Variants in ZBTB44 observed in about 807,000 individuals in gnomAD.
The protein encoded by ZBTB44 is zinc finger and BTB domain-containing protein 44.
A neutral mutation model predicts 54.0 loss-of-function variants in ZBTB44; 15 were observed. That is an observed-to-expected ratio of 0.28 (90% CI 0.19 to 0.43). The LOEUF (loss-of-function observed/expected upper bound fraction) is 0.43. Ranked by LOEUF, ZBTB44 falls within the 20% of genes least tolerant of loss-of-function variation. The pLI is 1.00. For synonymous variants in ZBTB44, 230 were observed against 250.1 expected, an observed-to-expected ratio of 0.92 and a Z score of 0.76; for missense variants, 487 against 707.1, an observed-to-expected ratio of 0.69 and a Z score of 3.53.
intron 1 of ZBTB44, among the ~76,000 whole-genome samples, chr11:130,279,336 G>A (rs1485990011): frequency 6.6e-6 from 1 of 151,210 alleles, no homozygotes; most frequent in Admixed American, 6.6e-5. Flanking sequence ...AAAGCCCTGG[G>A]TTTATATTCT....
At chr11:130,288,889 T>G (rs994352571) in intron 1 of ZBTB44, among the ~76,000 whole-genome samples, 2 of 147,180 alleles carry the variant, frequency 1.4e-5, no homozygotes, top group Non-Finnish European at 3.0e-5. Context: ...AGAGCGAGAC[T>G]CCGTCTTAAA....
chr11:130,267,247 G>C (rs1222177978), intron 1 of ZBTB44, among the ~76,000 whole-genome samples: 1 of 152,092 alleles, frequency 6.6e-6, no homozygotes, highest in African/African-American at 2.4e-5. Flanking sequence ...CTGGGCGACA[G>C]AGTGAGACCC....
At chr11:130,279,548 A>G (rs1940357868) in intron 1 of ZBTB44, among the ~76,000 whole-genome samples, 1 of 152,088 alleles carries the variant, frequency 6.6e-6, no homozygotes, top group Non-Finnish European at 1.5e-5. Context: ...GGTCCCAGCT[A>G]ACCGGGATGC....
At chr11:130,233,263 A>G (rs574430391) in intron 7 of ZBTB44, 45 bp downstream of exon 7, 41 of 1,490,522 alleles carry the variant, frequency 2.8e-5, no homozygotes, top group Middle Eastern at 4.8e-4. Context: ...TTTTAATCTG[A>G]AAAGCAGTAT....
At chr11:130,312,628 G>A (rs1412895438) in intron 1 of ZBTB44, among the ~76,000 whole-genome samples, 1 of 152,082 alleles carries the variant, frequency 6.6e-6, no homozygotes, top group Non-Finnish European at 1.5e-5. Flanking sequence ...AAAGAAGGGA[G>A]GGAATATTCA....
At position 130,261,013 on chromosome 11, in the gene ZBTB44, G is replaced by A; in HGVS notation, c.861C>T (p.Val287=). 1 of 1,613,864 alleles carries A rather than the reference G, an allele frequency of 6.2e-7. No individual in the cohort carries two copies. The highest frequency in any genetic ancestry group is 8.5e-7 in the Non-Finnish European group (1 of 1,179,868). ...CACTTAATCTTTCTACTTTGACCCG[G>A]ACATCTTCTTCGGTACCTAAAGGCA... ...TTLPLGTEED[V]RVKVERLSDE... is the part of the protein sequence containing the mutation. Residue 287 remains valine (V), a synonymous_variant, in exon 2 of 8, where the codon GTC becomes GTT. Coordinates refer to ENST00000357899, the MANE Select transcript of ZBTB44 (RefSeq NM_001301098.2). The surrounding 1 kb of genome is among the most constrained non-coding windows in gnomAD (Gnocchi z 4.8).
In ZBTB44 at chr11:130,261,696, G is replaced by A. The variant is rs984456403; in HGVS notation, c.178C>T (p.Leu60Phe). The change falls in exon 2 of 8, where the codon CTT becomes TTT. Residue 60 changes from leucine (L) to phenylalanine (F), a missense_variant. Physicochemically the swap from Leu to Phe is conservative, Grantham distance 22 (BLOSUM62 0). Coordinates refer to ENST00000357899, the MANE Select transcript of ZBTB44 (RefSeq NM_001301098.2). The surrounding 1 kb of genome is among the most constrained non-coding windows in gnomAD (Gnocchi z 4.8). The part of the protein sequence containing the change: ...AACSDFFRTK[L>F]VGQAEDENKN... ...TTCTCATCCTCGGCTTGGCCTACAA[G>A]TTTGGTGCGAAAGAAATCACTGCAA... 2 of 1,613,916 alleles carry A rather than the reference G, an allele frequency of 1.2e-6. No homozygotes were observed. The highest frequency in any genetic ancestry group is 1.3e-5 in the African/African-American group (1 of 74,946).
At chr11:130,278,418 T>C (rs1198285822) in intron 1 of ZBTB44, among the ~76,000 whole-genome samples, 1 of 152,238 alleles carries the variant, frequency 6.6e-6, no homozygotes, top group Non-Finnish European at 1.5e-5. Flanking sequence ...TTTTGTGCTA[T>C]CATACACTAA....
Position 130,314,846 on chromosome 11 carries a change from G to GGGCCGGC in ZBTB44, c.-529_-528insGCCGGCC, listed in dbSNP as rs372497092. ...GAGGGAGCCGCCGCCGCGCGCGTGC[G>GGGCCGGC]GCCGGCGCCGCCGCCGTTGCCGCTC... On this transcript the variant is annotated 5_prime_UTR_variant, in exon 1 of 8. Transcript: ENST00000357899. 4 of 838 alleles carry GGGCCGGC rather than the reference G, an allele frequency of 4.8e-3. No homozygotes were observed. In the African/African-American group the frequency reaches 0.061, roughly 13 times the overall value. 0.1% of individuals were successfully genotyped at this position (838 alleles called of 1,614,324 possible).
chr11:130,298,179 T>A (rs1941773076), intron 1 of ZBTB44, among the ~76,000 whole-genome samples: 1 of 152,138 alleles, frequency 6.6e-6, no homozygotes, highest in Non-Finnish European at 1.5e-5. Flanking sequence ...GGTCTTACTC[T>A]GTTGCCTAGA....
chr11:130,246,502 G>C (rs907130465), intron 2 of ZBTB44, among the ~76,000 whole-genome samples: 3 of 152,108 alleles, frequency 2.0e-5, no homozygotes, highest in Admixed American at 2.0e-4. Context: ...GTCAGGGCTA[G>C]CTTATCAAGA....
In ZBTB44 at chr11:130,228,058, G is replaced by T. The variant is rs1953750593; in HGVS notation, c.*3706C>A. The T allele has an allele frequency of 6.6e-6, 1 of 152,124 alleles. No individual in the cohort carries two copies. The highest frequency in any genetic ancestry group is 6.5e-5 in the Admixed American group (1 of 15,270). The allele number at this position is 152,124 out of a possible 1,614,324, so 9.4% of individuals were successfully genotyped here. On this transcript the variant is annotated 3_prime_UTR_variant, in exon 8 of 8. Coordinates refer to ENST00000357899, the MANE Select transcript of ZBTB44 (RefSeq NM_001301098.2). Reference sequence around the variant, plus strand: ...AATGGCTTTTGAAAAGATAGTAGAGGCACAAAGAAGCCATATACTATCCTC... The same window carrying T: ...AATGGCTTTTGAAAAGATAGTAGAGTCACAAAGAAGCCATATACTATCCTC...
chr11:130,312,599 T>C (rs1218064698), intron 1 of ZBTB44, among the ~76,000 whole-genome samples: 1 of 152,170 alleles, frequency 6.6e-6, no homozygotes, highest in African/African-American at 2.4e-5. Context: ...ACTGGTTTGG[T>C]CAATTACGTG....
chr11:130,236,603 T>C (rs1954121381), intron 5 of ZBTB44, 190 bp downstream of exon 5: 1 of 485,888 alleles, frequency 2.1e-6, no homozygotes, highest in South Asian at 9.5e-5. Context: ...ATGTTTATAA[T>C]TTTATATACG....
intron 4 of ZBTB44, among the ~76,000 whole-genome samples, chr11:130,237,982 G>T (rs1321123315): frequency 6.6e-6 from 1 of 152,124 alleles, no homozygotes; most frequent in African/African-American, 2.4e-5. Flanking sequence ...ACTCATCAGG[G>T]CACACAGAGA....
intron 2 of ZBTB44, among the ~76,000 whole-genome samples, chr11:130,259,080 A>T (rs1006187868): frequency 1.6e-4 from 24 of 152,358 alleles, no homozygotes; most frequent in African/African-American, 5.8e-4. Context: ...GAGAGGACAC[A>T]AATAAATGGG....
At chr11:130,313,769 C>G (rs1034584729) in intron 1 of ZBTB44, among the ~76,000 whole-genome samples, 7 of 152,036 alleles carry the variant, frequency 4.6e-5, no homozygotes, top group Admixed American at 2.6e-4. Context: ...TGCTTGGATT[C>G]ATAGAACTCA....
chr11:130,246,270 C>CAT (rs1038231447), intron 2 of ZBTB44, among the ~76,000 whole-genome samples: 4 of 152,210 alleles, frequency 2.6e-5, no homozygotes, highest in South Asian at 2.1e-4. Context: ...AATATATACA[C>CAT]ATATATATAC....
chr11:130,311,611 C>T (rs1942611777), intron 1 of ZBTB44, among the ~76,000 whole-genome samples: 1 of 152,150 alleles, frequency 6.6e-6, no homozygotes, highest in African/African-American at 2.4e-5. Flanking sequence ...ATTGGAATAT[C>T]ACTCTGAACT....
Sources: gnomAD v4.1 joint callset for allele counts (sites outside exome capture counted in the v4.1 genomes callset) on GRCh38, gnomAD v4.1.1 for gene constraint, Gnocchi (gnomAD v3.1) non-coding constraint, MANE v1.5 for transcripts, NCBI Gene and HGNC (gene_info 2026-07-23, HGNC 2026-07-21) for gene names.